Variants in EPB41L3 observed in about 807,000 individuals in gnomAD.
EPB41L3 encodes the protein band 4.1-like protein 3.
EPB41L3 carries 57 observed loss-of-function variants against 127.1 expected under a neutral mutation model. That is an observed-to-expected ratio of 0.45 (90% CI 0.36 to 0.56). The LOEUF (loss-of-function observed/expected upper bound fraction) is 0.56. Ranked by LOEUF, EPB41L3 falls within the 20% of genes least tolerant of loss-of-function variation. The probability of loss-of-function intolerance (pLI) is 0.00; values close to 1 mark genes in which losing one functional copy is unlikely to be tolerated. For missense variants in EPB41L3, 1,273 were observed against 1,372.2 expected (o/e 0.93, Z 1.14); for synonymous variants, 572 against 549.5 (o/e 1.04, Z -0.57).
intron 3 of EPB41L3, among the ~76,000 whole-genome samples, chr18:5,608,428 G>A (rs2094687558): frequency 6.6e-6 from 1 of 152,158 alleles, no homozygotes; most frequent in Non-Finnish European, 1.5e-5. Context: ...GAGAGGGAGA[G>A]GCACATGAGC....
At chr18:5,500,597 C>T (rs1446397449) in intron 1 of EPB41L3, among the ~76,000 whole-genome samples, 3 of 152,184 alleles carry the variant, frequency 2.0e-5, no homozygotes, top group East Asian at 1.9e-4. Flanking sequence ...ATTCAGGTTT[C>T]GCTTTGTAGG....
intron 1 of EPB41L3, among the ~76,000 whole-genome samples, chr18:5,536,727 G>A (rs577156230): frequency 2.0e-4 from 31 of 151,932 alleles, no homozygotes; most frequent in Middle Eastern, 3.5e-3. Flanking sequence ...CAGGAGACTC[G>A]CTTGAACCTG....
chr18:5,405,709 T>C (rs1317499093), intron 16 of EPB41L3, among the ~76,000 whole-genome samples: 1 of 151,682 alleles, frequency 6.6e-6, no homozygotes, highest in Non-Finnish European at 1.5e-5. Context: ...GGAGGATCAC[T>C]TAAACCCAGG....
chr18:5,529,405 C>T (rs548120028), intron 1 of EPB41L3, among the ~76,000 whole-genome samples: 4 of 152,192 alleles, frequency 2.6e-5, no homozygotes, highest in Admixed American at 2.0e-4. Flanking sequence ...CCAGGTCCCC[C>T]CTCTGTGCGC....
Position 5,419,857 on chromosome 18 carries a change from C to T in EPB41L3, c.1360G>A (p.Ala454Thr), listed in dbSNP as rs145954134. ...GTCTGAGAGATGCCTTTTGTTGTGG[C>T]GTACTGGCCAGTACCAACCTCTGCA... is the stretch of plus-strand genomic sequence containing the variant. ...LDGEVGTGQY[A>T]TTKGISQTNL... Residue 454 changes from alanine (A) to threonine (T), a missense_variant, in exon 12 of 23, where the codon GCC becomes ACC. This residue lies in a region of EPB41L3 where 326 missense variants were observed against 440.2 expected (regional missense o/e 0.74). Coordinates refer to ENST00000341928, the MANE Select transcript of EPB41L3 (RefSeq NM_012307.5). 1.2e-4 allele frequency: 192 copies of T among 1,614,184 alleles called. 1 individual carries two copies. The East Asian group carries it at 2.6e-3, about 22-fold the overall frequency.
chr18:5,432,510 T>C (rs1275144726), intron 8 of EPB41L3, among the ~76,000 whole-genome samples: 1 of 152,172 alleles, frequency 6.6e-6, no homozygotes, highest in East Asian at 1.9e-4. Context: ...TGCTAATGCA[T>C]CAGAATCCAA....
chr18:5,400,986 G>C (rs2074403690), intron 16 of EPB41L3: 3 of 1,533,508 alleles, frequency 2.0e-6, no homozygotes, highest in Non-Finnish European at 2.6e-6. Flanking sequence ...TCAAGGAATG[G>C]AGCGCTTCCT....
chr18:5,434,170 G>A (rs2079398660), intron 6 of EPB41L3, 49 bp from the exon 7 acceptor site: 1 of 1,488,528 alleles, frequency 6.7e-7, no homozygotes, highest in Non-Finnish European at 9.4e-7. Flanking sequence ...TGAGGATACA[G>A]GAAAAGGAGG....
At chr18:5,457,300 T>C (rs930664723) in intron 3 of EPB41L3, among the ~76,000 whole-genome samples, 3 of 152,130 alleles carry the variant, frequency 2.0e-5, no homozygotes, top group African/African-American at 7.2e-5. Flanking sequence ...AGCAATTGTC[T>C]TTCCTGGAGC....
At chr18:5,511,820 G>A (rs571394352) in intron 1 of EPB41L3, among the ~76,000 whole-genome samples, 4 of 152,306 alleles carry the variant, frequency 2.6e-5, no homozygotes, top group Middle Eastern at 3.4e-3. Context: ...TACAGACAGA[G>A]ATGTGTGCCA....
chr18:5,520,307 C>T (rs1184369065), intron 1 of EPB41L3, among the ~76,000 whole-genome samples: 1 of 152,032 alleles, frequency 6.6e-6, no homozygotes, highest in East Asian at 1.9e-4. Flanking sequence ...AGTTAAGCAC[C>T]TCCCCTGTGA....
At chr18:5,537,132 G>A (rs2093598595) in intron 1 of EPB41L3, among the ~76,000 whole-genome samples, 2 of 152,228 alleles carry the variant, frequency 1.3e-5, no homozygotes, top group Admixed American at 6.5e-5. Flanking sequence ...TAGCAAGGCC[G>A]AGAGCCCAAC....
At chr18:5,542,022 C>T (rs2149065086) in intron 1 of EPB41L3, among the ~76,000 whole-genome samples, 1 of 152,354 alleles carries the variant, frequency 6.6e-6, no homozygotes, top group South Asian at 2.1e-4. Context: ...CAGCATTCAG[C>T]TATCAATGCC....
intron 1 of EPB41L3, among the ~76,000 whole-genome samples, chr18:5,625,944 CTT>C (rs199642476): frequency 1.2e-4 from 18 of 144,176 alleles, no homozygotes; most frequent in Middle Eastern, 3.7e-3. Context: ...TTCTACCATG[CTT>C]TTTTTTTTTT....
chr18:5,505,756 T>C (rs1368257322), intron 1 of EPB41L3, among the ~76,000 whole-genome samples: 74 of 19,238 alleles, frequency 3.8e-3, no homozygotes, highest in Admixed American at 7.0e-3. Flanking sequence ...CTCCACCCCT[T>C]CCCTCCACAC....
intron 1 of EPB41L3, among the ~76,000 whole-genome samples, chr18:5,617,987 C>T (rs2094817690): frequency 6.6e-6 from 1 of 152,052 alleles, no homozygotes; most frequent in Admixed American, 6.6e-5. Flanking sequence ...TTCCAAGGTC[C>T]CATAAGTAAT....
intron 3 of EPB41L3, among the ~76,000 whole-genome samples, chr18:5,575,134 C>T (rs2094324757): frequency 6.6e-6 from 1 of 152,152 alleles, no homozygotes; most frequent in South Asian, 2.1e-4. Context: ...GCCATGAAAA[C>T]TGGTTTCTGT....
intron 3 of EPB41L3, among the ~76,000 whole-genome samples, chr18:5,552,019 T>G (rs2093973340): frequency 1.3e-5 from 2 of 152,198 alleles, no homozygotes; most frequent in Non-Finnish European, 1.5e-5. Context: ...AATTGAATGT[T>G]AAGAATTCCT....
chr18:5,590,325 T>G (rs755630127), intron 3 of EPB41L3, among the ~76,000 whole-genome samples: 3 of 152,136 alleles, frequency 2.0e-5, no homozygotes, highest in Non-Finnish European at 4.4e-5. Flanking sequence ...GTCTGTTCCT[T>G]TCCTCCTTTA....
Sources: allele counts gnomAD v4.1 joint callset (sites outside exome capture counted in the v4.1 genomes callset), GRCh38; gene constraint gnomAD v4.1.1; regional missense constraint gnomAD v4.1.1; transcripts MANE v1.5; gene names NCBI Gene and HGNC (gene_info 2026-07-23, HGNC 2026-07-21).